ZNF672: variants seen among roughly 807,000 people sequenced by gnomAD.
ZNF672 encodes the protein zinc finger protein 672, also known as hypothetical protein FLJ22301.
For synonymous variants in ZNF672, 358 were observed against 305.6 expected (o/e 1.17, Z -1.79); for missense variants, 733 against 701.1 (o/e 1.05, Z -0.51).
At chr1:248,838,884 C>T (rs1664621090) in intron 1 of ZNF672, 1 of 152,244 alleles carries the variant, frequency 6.6e-6, no homozygotes, top group Non-Finnish European at 1.5e-5. Context: ...GTTAAACGTT[C>T]CCCACTACGT....
Position 248,848,176 on chromosome 1 carries a change from A to T in ZNF672, c.902A>T (p.His301Leu). The T allele has an allele frequency of 6.3e-7, 1 of 1,598,714 alleles. No homozygotes were observed. The highest frequency in any genetic ancestry group is 8.5e-7 in the Non-Finnish European group (1 of 1,176,390). The change falls in exon 4 of 4, where the codon CAC (histidine) becomes CTC (leucine). Residue 301 changes from histidine (H) to leucine (L), a missense_variant. Transcript: ENST00000306562. ...GGGCAGCGCTCCGACCTGGTGGTGC[A>T]CCAGCGCATCCACACGGGCGAGAAG... The part of the protein sequence containing the change: ...GFGQRSDLVV[H>L]QRIHTGEKPF...
At chr1:248,846,679 TC>T (rs1469134681) in intron 3 of ZNF672, among the ~76,000 whole-genome samples, 1 of 152,196 alleles carries the variant, frequency 6.6e-6, no homozygotes, top group East Asian at 1.9e-4. Context: ...GCAGGGGACT[TC>T]TCACTGCCCC....
intron 1 of ZNF672, among the ~76,000 whole-genome samples, chr1:248,840,060 T>C (rs1163523197): frequency 6.7e-6 from 1 of 148,480 alleles, no homozygotes; most frequent in Admixed American, 6.8e-5. Flanking sequence ...TATTTTGACC[T>C]TTCCATATGA....
In ZNF672 at chr1:248,847,841, C is replaced by G. The variant is rs765051242; in HGVS notation, c.567C>G (p.Ser189Arg). The G allele has an allele frequency of 6.4e-7, 1 of 1,574,370 alleles. No homozygotes were observed. Among genetic ancestry groups the G allele is most frequent in the Admixed American group, 1.7e-5 (1 of 57,292 alleles). Reference sequence around the variant, plus strand: ...ACGCGCGCATCCACGTGTCCCGGAGCCCCACGCGACCCCGTGTCTCAGACG... The same window carrying G: ...ACGCGCGCATCCACGTGTCCCGGAGGCCCACGCGACCCCGTGTCTCAGACG... ...RSHARIHVSR[S>R]PTRPRVSDAH... The change falls in exon 4 of 4, where the codon AGC (serine) becomes AGG (arginine). Residue 189 changes from serine to arginine, a missense_variant. Physicochemically the swap from Ser to Arg is moderately radical, Grantham distance 110 (BLOSUM62 -1). Transcript: ENST00000306562.
Position 248,848,685 on chromosome 1 carries a change from ATAGTATCAC to A in ZNF672, c.*53_*61del. Reference sequence around the variant, plus strand: ...TAAAGGTGGTTGGGCAAGCACCTATATAGTATCACGGGGACAGTTGAGGCAACTCGTAGA... The same window carrying A: ...TAAAGGTGGTTGGGCAAGCACCTATAGGGGACAGTTGAGGCAACTCGTAGA... On this transcript the variant is annotated 3_prime_UTR_variant, in exon 4 of 4. Coordinates refer to ENST00000306562, the MANE Select transcript of ZNF672 (RefSeq NM_024836.3). 6.6e-7 allele frequency: 1 copy of A among 1,521,100 alleles called. No individual in the cohort carries two copies. 94.2% of individuals were successfully genotyped at this position (1,521,100 alleles called of 1,614,324 possible).
At chr1:248,842,943 C>T (rs760782095) in intron 1 of ZNF672, among the ~76,000 whole-genome samples, 15 of 152,172 alleles carry the variant, frequency 9.9e-5, no homozygotes, top group Non-Finnish European at 1.8e-4. Context: ...CTCCCTGGGG[C>T]GCCAAGTGCT....
At position 248,847,649 on chromosome 1, in the gene ZNF672, G is replaced by A; in HGVS notation, c.375G>A (p.Glu125=). ...LLHRRRQHLP[E]RPRRCPLCAR... ...ACCGGCGCCGCCAGCATCTGCCAGA[G>A]CGGCCCCGCCGCTGCCCGCTGTGCG... The change falls in exon 4 of 4, where the codon GAG becomes GAA. Residue 125 remains glutamate (E), a synonymous_variant. Transcript: ENST00000306562. The A allele has an allele frequency of 6.6e-7, 1 of 1,506,490 alleles. No individual in the cohort carries two copies. The highest frequency in any genetic ancestry group is 8.8e-7 in the Non-Finnish European group (1 of 1,131,164). The allele number at this position is 1,506,490 out of a possible 1,614,324, so 93.3% of individuals were successfully genotyped here. A position where few individuals can be genotyped will look rare whatever the true frequency, so the allele number is the denominator to read the frequency against.
At chr1:248,845,951 G>C (rs1422532676) in intron 3 of ZNF672, among the ~76,000 whole-genome samples, 1 of 152,214 alleles carries the variant, frequency 6.6e-6, no homozygotes, top group Non-Finnish European at 1.5e-5. Flanking sequence ...TTGTGCTCTT[G>C]ACTAGAGGGC....
chr1:248,846,983 G>A, intron 3 of ZNF672, 69 bp from the exon 4 acceptor site: 1 of 412,646 alleles, frequency 2.4e-6, no homozygotes, highest in Non-Finnish European at 4.4e-6. Flanking sequence ...TAACAAATAG[G>A]GAGTTCGTGT....
At position 248,847,298 on chromosome 1, in the gene ZNF672, G is replaced by A; in HGVS notation, c.24G>A (p.Val8=). The A allele has an allele frequency of 1.2e-6, 2 of 1,602,718 alleles. No homozygotes were observed. Among genetic ancestry groups the A allele is most frequent in the South Asian group, 2.2e-5 (2 of 90,908 alleles). The change falls in exon 4 of 4, where the codon GTG becomes GTA. Residue 8 remains valine (V), a synonymous_variant. Coordinates refer to ENST00000306562, the MANE Select transcript of ZNF672 (RefSeq NM_024836.3). The part of the protein sequence containing the change: MFATSGA[V]AAGKPYSCSE... ...CCATGTTTGCCACATCTGGGGCAGT[G>A]GCAGCGGGGAAGCCTTACTCGTGCA...
chr1:248,839,015 C>T (rs1232330689), intron 1 of ZNF672: 2 of 152,294 alleles, frequency 1.3e-5, no homozygotes, highest in African/African-American at 2.4e-5. Flanking sequence ...TGACGCGCGC[C>T]GACTGAGGCG....
rs754789463 is a variant in ZNF672 at position 248,847,459 on chromosome 1, G to C, written c.185G>C (p.Arg62Pro). The change falls in exon 4 of 4, where the codon CGC becomes CCC. Residue 62 changes from arginine (R) to proline (P), a missense_variant. Transcript: ENST00000306562. ...GCTGCTGACCTCCGAGCGCACAGGC[G>C]CACGCATGCTGGCCAGACCCTCTAC... ...ARAADLRAHR[R>P]THAGQTLYIC... The C allele has an allele frequency of 6.3e-7, 1 of 1,592,878 alleles. No homozygotes were observed. The highest frequency in any genetic ancestry group is 1.1e-5 in the South Asian group (1 of 88,324).
chr1:248,841,349 C>G (rs1202992852), intron 1 of ZNF672, among the ~76,000 whole-genome samples: 1 of 152,216 alleles, frequency 6.6e-6, no homozygotes, highest in Non-Finnish European at 1.5e-5. Flanking sequence ...CTGGGGGGCT[C>G]TGGCCACTCT....
Position 248,849,087 on chromosome 1 carries a change from G to A in ZNF672, c.*454G>A. Reference sequence around the variant, plus strand: ...GGTAATGGTCACAGATTTGGCTGTAGGCACGTTACCAGCCCTGTGGCTTCT... The same window carrying A: ...GGTAATGGTCACAGATTTGGCTGTAAGCACGTTACCAGCCCTGTGGCTTCT... On this transcript the variant is annotated 3_prime_UTR_variant, in exon 4 of 4. Coordinates refer to ENST00000306562, the MANE Select transcript of ZNF672 (RefSeq NM_024836.3). The A allele has an allele frequency of 2.1e-6, 1 of 477,116 alleles. No homozygotes were observed. Among genetic ancestry groups the A allele is most frequent in the Non-Finnish European group, 4.3e-6 (1 of 231,072 alleles). 29.6% of individuals were successfully genotyped at this position (477,116 alleles called of 1,614,324 possible).
chr1:248,846,458 A>T (rs1664762286), intron 3 of ZNF672, among the ~76,000 whole-genome samples: 1 of 152,154 alleles, frequency 6.6e-6, no homozygotes, highest in African/African-American at 2.4e-5. Flanking sequence ...AAGGAACAAT[A>T]TTTTGGGGTT....
At chr1:248,842,732 G>C (rs1452995906) in intron 1 of ZNF672, 1 of 152,146 alleles carries the variant, frequency 6.6e-6, no homozygotes, top group Non-Finnish European at 1.5e-5. Context: ...GGGCAGTCTA[G>C]GGGTATCACA....
chr1:248,839,732 ATTTTT>A (rs774234469), intron 1 of ZNF672, among the ~76,000 whole-genome samples: 4 of 113,896 alleles, frequency 3.5e-5, no homozygotes, highest in East Asian at 2.6e-4. Context: ...AGTGTTAGCA[ATTTTT>A]TTTTTTTTTT....
At chr1:248,843,084 G>A (rs796690734) in intron 1 of ZNF672, among the ~76,000 whole-genome samples, 17 of 152,190 alleles carry the variant, frequency 1.1e-4, no homozygotes, top group African/African-American at 3.1e-4. Context: ...AGGAAGGGGC[G>A]GGGCTGCCCT....
At position 248,847,939 on chromosome 1, in the gene ZNF672, C is replaced by A; in HGVS notation, c.665C>A (p.Ser222Ter). Reference protein sequence around the residue: ...STLTRHLQTHSGEKPFKCPEC... With the variant: ...STLTRHLQTH ...CTGACGCGACACCTGCAGACGCACT[C>A]GGGGGAGAAACCCTTCAAGTGCCCG... Residue 222 changes from serine (S) to a stop codon, truncating the protein, a stop_gained, in exon 4 of 4, where the codon TCG becomes TAG. Coordinates refer to ENST00000306562, the MANE Select transcript of ZNF672 (RefSeq NM_024836.3). LOFTEE classifies it low-confidence loss of function (END_TRUNC). 6.4e-7 allele frequency: 1 copy of A among 1,574,070 alleles called. No individual in the cohort carries two copies. The highest frequency in any genetic ancestry group is 2.3e-5 in the East Asian group (1 of 42,702).
Sources: gnomAD v4.1 joint callset for allele counts (sites outside exome capture counted in the v4.1 genomes callset) on GRCh38, gnomAD v4.1.1 for gene constraint, MANE v1.5 for transcripts, NCBI Gene and HGNC (gene_info 2026-07-23, HGNC 2026-07-21) for gene names.